Variants in KSR2 observed in about 807,000 individuals in gnomAD.
KSR2 encodes kinase suppressor of ras 2.
In KSR2, 25 loss-of-function variants were observed where a neutral mutation model predicts 107.8. The ratio of observed to expected loss-of-function variants is 0.23; its 90% confidence interval spans 0.17 to 0.32. The LOEUF is 0.32. Ranked by LOEUF, KSR2 falls within the 10% of genes least tolerant of loss-of-function variation. The pLI, the probability that KSR2 is intolerant of heterozygous loss-of-function variation, is 1.00. For missense variants in KSR2, 887 were observed against 1,268.9 expected (o/e 0.70, Z 4.57); for synonymous variants, 480 against 507.0 (o/e 0.95, Z 0.71).
intron 5 of KSR2, among the ~76,000 whole-genome samples, chr12:117,652,751 G>C (rs1041414095): frequency 1.4e-4 from 22 of 152,254 alleles, no homozygotes; most frequent in Non-Finnish European, 2.5e-4. Context: ...CACATTCCAG[G>C]GGACCCAAAA....
At position 117,455,026 on chromosome 12, in the gene KSR2, C is replaced by CAGAGAG. The variant is rs776656913; in HGVS notation, c.*12172_*12173insCTCTCT. Reference sequence around the variant, plus strand: ...GCAGAGACAGAGACAGACACAGAGACAGACAGACAGAGAGAGAGAGAGAGA... The same window carrying CAGAGAG: ...GCAGAGACAGAGACAGACACAGAGACAGAGAGAGACAGACAGAGAGAGAGAGAGAGA... On this transcript the variant is annotated 3_prime_UTR_variant, in exon 20 of 20. Coordinates refer to ENST00000339824, the MANE Select transcript of KSR2 (RefSeq NM_173598.6). 2 of 112,642 alleles carry CAGAGAG rather than the reference C, an allele frequency of 1.8e-5. No homozygotes were observed. The highest frequency in any genetic ancestry group is 2.3e-4 in the East Asian group (1 of 4,336). The allele number at this position is 112,642 out of a possible 1,614,324, so 7.0% of individuals were successfully genotyped here.
At chr12:117,478,800 T>C (rs1462044515) in intron 16 of KSR2, among the ~76,000 whole-genome samples, 1 of 152,228 alleles carries the variant, frequency 6.6e-6, no homozygotes, top group Non-Finnish European at 1.5e-5. Context: ...TAGCCACATC[T>C]GGCTAGTGGC....
At chr12:117,741,966 G>A (rs1888235297) in intron 4 of KSR2, among the ~76,000 whole-genome samples, 1 of 152,168 alleles carries the variant, frequency 6.6e-6, no homozygotes, top group Admixed American at 6.5e-5. Flanking sequence ...GAGAGTAACT[G>A]GACAGTGAAG....
At chr12:117,759,465 T>C (rs545837918) in intron 4 of KSR2, among the ~76,000 whole-genome samples, 1 of 152,370 alleles carries the variant, frequency 6.6e-6, no homozygotes, top group Non-Finnish European at 1.5e-5. Context: ...CCTGCCTTTT[T>C]AAAATGGTGA....
chr12:117,477,808 C>T (rs866495948), intron 16 of KSR2, among the ~76,000 whole-genome samples: 3 of 152,176 alleles, frequency 2.0e-5, no homozygotes, highest in South Asian at 2.1e-4. Context: ...GGGCCTTGGG[C>T]GGGTGGTTCC....
At chr12:117,648,966 G>T (rs1050927633) in intron 5 of KSR2, among the ~76,000 whole-genome samples, 2 of 152,164 alleles carry the variant, frequency 1.3e-5, no homozygotes, top group East Asian at 3.9e-4. Flanking sequence ...GAATGTCTAC[G>T]CTGCCTGTCT....
At chr12:117,559,709 G>A (rs1478647251) in intron 7 of KSR2, among the ~76,000 whole-genome samples, 1 of 152,192 alleles carries the variant, frequency 6.6e-6, no homozygotes, top group Non-Finnish European at 1.5e-5. Flanking sequence ...GAGCCAAAGA[G>A]GACACCTTGC....
At chr12:117,704,739 G>C (rs759936896) in intron 4 of KSR2, among the ~76,000 whole-genome samples, 1 of 151,972 alleles carries the variant, frequency 6.6e-6, no homozygotes, top group Non-Finnish European at 1.5e-5. Context: ...CACGCTTGTA[G>C]TCTCAGCTAC....
Position 117,508,551 on chromosome 12 carries a change from G to C in KSR2, c.2219+16301C>G, listed in dbSNP as rs543186243. Among the ~76,000 whole-genome samples the C allele has an allele frequency of 2.8e-4, 42 of 152,170 alleles. 1 individual carries two copies. The South Asian group carries it at 8.7e-3, about 32-fold the overall frequency. ...TGGTGATTAAACAGATGGGTGGGTA[G>C]GTAGGTGGATAGCTGGGTGTTGAAC... is the stretch of plus-strand genomic sequence containing the variant. On this transcript the variant is annotated intron_variant, in intron 14 of 19. Transcript: ENST00000339824.
intron 14 of KSR2, among the ~76,000 whole-genome samples, chr12:117,489,423 T>A (rs1872633455): frequency 6.6e-6 from 1 of 151,962 alleles, no homozygotes; most frequent in African/African-American, 2.4e-5. Flanking sequence ...GGCACATGCC[T>A]GTAGTCCCAG....
rs187797493 is a variant in KSR2, at chr12:117,586,315, G to C, written c.1172-3956C>G. Among the ~76,000 whole-genome samples, 519 of 152,176 alleles carry C rather than the reference G, an allele frequency of 3.4e-3. 4 individuals carry two copies. The highest frequency in any genetic ancestry group is 0.012 in the African/African-American group (498 of 41,530). Reference sequence around the variant, plus strand: ...AAATAAGAAAAATAGGGCCGGGTGCGGTGACTCACACCTGTAATCACAATA... The same window carrying C: ...AAATAAGAAAAATAGGGCCGGGTGCCGTGACTCACACCTGTAATCACAATA... On this transcript the variant is annotated intron_variant, in intron 5 of 19. Coordinates refer to ENST00000339824, the MANE Select transcript of KSR2 (RefSeq NM_173598.6).
chr12:117,918,703 G>A lies in KSR2; in HGVS notation c.180+49373C>T, dbSNP rs550587603. On this transcript the variant is annotated intron_variant, in intron 1 of 19. Transcript: ENST00000339824. ...CTCGGGAGGCTGAGGCAGGAGATTC[G>A]CTTGAATCCAGGAGGCAGAGGTTGT... Among the ~76,000 whole-genome samples the A allele has an allele frequency of 4.6e-5, 7 of 151,604 alleles. No individual in the cohort carries two copies. The South Asian group carries it at 1.0e-3, about 23-fold the overall frequency.
intron 9 of KSR2, among the ~76,000 whole-genome samples, chr12:117,546,070 T>C (rs539230143): frequency 2.6e-5 from 4 of 152,348 alleles, no homozygotes; most frequent in Admixed American, 2.0e-4. Context: ...TGTACACTTT[T>C]TACTGTTTTC....
At chr12:117,737,719 G>A (rs1039156035) in intron 4 of KSR2, among the ~76,000 whole-genome samples, 2 of 144,368 alleles carry the variant, frequency 1.4e-5, no homozygotes, top group Non-Finnish European at 3.0e-5. Context: ...GGAGGCAGAA[G>A]TTGCAGTGAG....
intron 14 of KSR2, chr12:117,517,909 G>A (rs1874481817): frequency 2.2e-6 from 1 of 455,204 alleles, no homozygotes; most frequent in Non-Finnish European, 4.4e-6. Context: ...GAAAAAGCAA[G>A]TTGATGGAGT....
intron 8 of KSR2, 51 bp from the exon 9 acceptor site, chr12:117,555,344 G>T (rs1877605767): frequency 1.2e-6 from 2 of 1,603,318 alleles, no homozygotes; most frequent in South Asian, 1.1e-5. Context: ...CTTTGTCTTT[G>T]GTTATGCCAG....
At chr12:117,887,181 C>T (rs537849704) in intron 1 of KSR2, among the ~76,000 whole-genome samples, 6 of 152,194 alleles carry the variant, frequency 3.9e-5, no homozygotes, top group Non-Finnish European at 8.8e-5. Context: ...ACTTCAGCCT[C>T]CCAAAGTACT....
At chr12:117,960,134 G>A (rs1414137963) in intron 1 of KSR2, among the ~76,000 whole-genome samples, 1 of 151,790 alleles carries the variant, frequency 6.6e-6, no homozygotes, top group Admixed American at 6.6e-5. Flanking sequence ...CCCTCTGCCT[G>A]GCACACTCTT....
At chr12:117,656,941 G>GAT (rs71099068) in intron 5 of KSR2, among the ~76,000 whole-genome samples, 57,114 of 102,944 alleles carry the variant, frequency 0.55, 16,984 homozygotes, top group South Asian at 0.66. Flanking sequence ...TATATAATAG[G>GAT]ATATATATAT....
Sources: allele counts gnomAD v4.1 joint callset (sites outside exome capture counted in the v4.1 genomes callset), GRCh38; gene constraint gnomAD v4.1.1; transcripts MANE v1.5; gene names NCBI Gene and HGNC (gene_info 2026-07-23, HGNC 2026-07-21).